Variants in PLEKHG4B observed in about 807,000 individuals in gnomAD.
PLEKHG4B encodes the protein pleckstrin homology domain-containing family G member 4B.
Under a neutral mutation model 121.3 loss-of-function variants are expected in PLEKHG4B, and 111 were observed. The ratio of observed to expected loss-of-function variants is 0.92; its 90% CI spans 0.78 to 1.07. The LOEUF is 1.07. Among genes scored for constraint, PLEKHG4B ranks in the 50% least tolerant of loss-of-function variants. The pLI is 0.00. For synonymous variants in PLEKHG4B, 738 were observed against 725.0 expected (o/e 1.02, Z -0.29); for missense variants, 1,831 against 1,757.8 (o/e 1.04, Z -0.74).
chr5:145,300 G>A (rs751103180), intron 6 of PLEKHG4B, among the ~76,000 whole-genome samples: 4 of 152,266 alleles, frequency 2.6e-5, no homozygotes, highest in Admixed American at 6.5e-5. Context: ...CCCTCTGTCA[G>A]GATGGAGAGC....
At chr5:145,939 A>G (rs1735394195) in intron 6 of PLEKHG4B, among the ~76,000 whole-genome samples, 2 of 152,024 alleles carry the variant, frequency 1.3e-5, no homozygotes, top group Non-Finnish European at 2.9e-5. Flanking sequence ...TCTCAAGTTT[A>G]GGGACACCAG....
At position 164,544 on chromosome 5, in the gene PLEKHG4B, C is replaced by T. The variant is rs1401302490; in HGVS notation, c.3476+996C>T. ...AGTAATGCTGTGACAGGGGGCGGAGCTCACACAGTAATGCTCTGACAGGGG... is the reference window on the plus strand; with the variant it reads ...AGTAATGCTGTGACAGGGGGCGGAGTTCACACAGTAATGCTCTGACAGGGG... On this transcript the variant is annotated intron_variant, in intron 13 of 19. Transcript: ENST00000637938. Among the ~76,000 whole-genome samples, 4 of 122,470 alleles carry T rather than the reference C, an allele frequency of 3.3e-5. 1 individual carries two copies. The highest frequency in any genetic ancestry group is 2.4e-4 in the South Asian group (1 of 4,212). 80.3% of individuals were successfully genotyped at this position (122,470 alleles called of 152,430 possible).
At chr5:148,297 A>G (rs1432625222) in intron 6 of PLEKHG4B, among the ~76,000 whole-genome samples, 2 of 150,666 alleles carry the variant, frequency 1.3e-5, no homozygotes, top group Non-Finnish European at 2.9e-5. Flanking sequence ...AATTATCTCT[A>G]TTCCCAGATG....
chr5:162,879 C>G lies in PLEKHG4B; in HGVS notation c.2807C>G (p.Pro936Arg), dbSNP rs144399749. 6.6e-7 allele frequency: 1 copy of G among 1,520,682 alleles called. No individual in the cohort carries two copies. Among genetic ancestry groups the G allele is most frequent in the South Asian group, 1.3e-5 (1 of 77,054 alleles). The allele number at this position is 1,520,682 out of a possible 1,614,324, so 94.2% of individuals were successfully genotyped here. Residue 936 changes from proline (P) to arginine (R), a missense_variant, in exon 13 of 20, where the codon CCG becomes CGG. Pro to Arg is a moderately radical substitution (Grantham distance 103). Coordinates refer to ENST00000637938, the MANE Select transcript of PLEKHG4B (RefSeq NM_052909.5). Reference sequence around the variant, plus strand: ...CTGAAGCCTCATGCCCTGGGGAAACCGTGGGCATCACAGCAAGACCTGTGG... The same window carrying G: ...CTGAAGCCTCATGCCCTGGGGAAACGGTGGGCATCACAGCAAGACCTGTGG... ...AVLKPHALGK[P>R]WASQQDLWLQ...
At chr5:131,702 A>G (rs908763767) in intron 2 of PLEKHG4B, among the ~76,000 whole-genome samples, 1 of 152,194 alleles carries the variant, frequency 6.6e-6, no homozygotes, top group African/African-American at 2.4e-5. Flanking sequence ...GTCTTCCACA[A>G]TGGTTGAACT....
chr5:92,195 G>C lies in PLEKHG4B; in HGVS notation c.-37G>C, dbSNP rs1392903076. 8.0e-6 allele frequency: 3 copies of C among 376,812 alleles called. No individual in the cohort carries two copies. Among genetic ancestry groups the C allele is most frequent in the Non-Finnish European group, 1.4e-5 (3 of 213,022 alleles). The allele number at this position is 376,812 out of a possible 1,614,324, so 23.3% of individuals were successfully genotyped here. Reference sequence around the variant, plus strand: ...TGCACAGCGGGACCAGGCAGAGTTCGGGGAAAGCGTCGGAGTTCGGGAGAC... The same window carrying C: ...TGCACAGCGGGACCAGGCAGAGTTCCGGGAAAGCGTCGGAGTTCGGGAGAC... On this transcript the variant is annotated 5_prime_UTR_variant, in exon 1 of 20. Transcript: ENST00000637938.
Position 113,652 on chromosome 5 carries a change from G to T in PLEKHG4B, c.243+204G>T, listed in dbSNP as rs1192825852. Among the ~76,000 whole-genome samples the T allele has an allele frequency of 6.6e-6, 1 of 152,230 alleles. No individual in the cohort carries two copies. The highest frequency in any genetic ancestry group is 1.5e-5 in the Non-Finnish European group (1 of 68,048). On this transcript the variant is annotated intron_variant, in intron 2 of 19. Coordinates refer to ENST00000637938, the MANE Select transcript of PLEKHG4B (RefSeq NM_052909.5). The surrounding 1 kb of genome is among the most constrained non-coding windows in gnomAD (Gnocchi z 5.2). ...AGGGTTTCTCAGGCTTCCCAGGAGT[G>T]TGGAGCCCTCTTTGTCCCCCACCCC...
intron 7 of PLEKHG4B, among the ~76,000 whole-genome samples, chr5:154,395 C>T (rs1187085295): frequency 1.3e-5 from 2 of 152,178 alleles, no homozygotes; most frequent in African/African-American, 2.4e-5. Context: ...CACTCCCACA[C>T]GCGGGCAGCG....
At chr5:164,024 T>TG (rs1359246036) in intron 13 of PLEKHG4B, among the ~76,000 whole-genome samples, 1 of 152,232 alleles carries the variant, frequency 6.6e-6, no homozygotes, top group African/African-American at 2.4e-5. Context: ...TTGGTAAGGG[T>TG]GGGCGCACTC....
At chr5:134,172 C>T (rs2126386775) in intron 2 of PLEKHG4B, among the ~76,000 whole-genome samples, 1 of 138,514 alleles carries the variant, frequency 7.2e-6, no homozygotes, top group Middle Eastern at 4.5e-3. Context: ...ATGGCATTTG[C>T]AGCAACCTGG....
chr5:182,585 A>C lies in PLEKHG4B; in HGVS notation c.*262A>C. The stretch of plus-strand genomic sequence containing the variant: ...ACAGCATAGGAAACAGACCTAAAAC[A>C]AGACAAAAAAAGACTAAACATGAAA... On this transcript the variant is annotated 3_prime_UTR_variant, in exon 20 of 20. Coordinates refer to ENST00000637938, the MANE Select transcript of PLEKHG4B (RefSeq NM_052909.5). The C allele has an allele frequency of 2.2e-6, 1 of 453,190 alleles. No individual in the cohort carries two copies. Among genetic ancestry groups the C allele is most frequent in the Non-Finnish European group, 4.0e-6 (1 of 252,934 alleles). The allele number at this position is 453,190 out of a possible 1,614,324, so 28.1% of individuals were successfully genotyped here. A position where few individuals can be genotyped will look rare whatever the true frequency, so the allele number is the denominator to read the frequency against.
At chr5:119,712 A>C (rs150971077) in intron 2 of PLEKHG4B, among the ~76,000 whole-genome samples, 276 of 152,326 alleles carry the variant, frequency 1.8e-3, no homozygotes, top group African/African-American at 6.4e-3. Flanking sequence ...GCCTGGGGCC[A>C]GTCACTGAGG....
chr5:154,344 C>T (rs776242291), intron 7 of PLEKHG4B, among the ~76,000 whole-genome samples: 1 of 152,104 alleles, frequency 6.6e-6, no homozygotes, highest in Non-Finnish European at 1.5e-5. Flanking sequence ...TACAAAGCCA[C>T]CTGCTGTCAA....
At chr5:110,335 A>AAC (rs1734110146) in intron 1 of PLEKHG4B, among the ~76,000 whole-genome samples, 4 of 146,602 alleles carry the variant, frequency 2.7e-5, no homozygotes, top group African/African-American at 5.1e-5. Context: ...CACAGTCTGC[A>AAC]ACACGTGCAC....
rs531953119 is a variant in PLEKHG4B, at chr5:176,780, G to A, written c.4402+2682G>A. Among the ~76,000 whole-genome samples the A allele has an allele frequency of 1.2e-3, 181 of 152,334 alleles. 1 individual carries two copies. Among genetic ancestry groups the A allele is most frequent in the South Asian group, 9.1e-3 (44 of 4,832 alleles). ...CAGAATAACTTACAGTTCCCACAGC[G>A]TTGAGTTCAAATTATTTAGTTTCAC... On this transcript the variant is annotated intron_variant, in intron 18 of 19. Coordinates refer to ENST00000637938, the MANE Select transcript of PLEKHG4B (RefSeq NM_052909.5).
chr5:129,746 G>A (rs1353706195), intron 2 of PLEKHG4B, among the ~76,000 whole-genome samples: 3 of 152,170 alleles, frequency 2.0e-5, no homozygotes, highest in Non-Finnish European at 4.4e-5. Flanking sequence ...CCCCCATCAA[G>A]ATAGTGGTGG....
chr5:98,795 G>C (rs1339600780), intron 1 of PLEKHG4B, among the ~76,000 whole-genome samples: 1 of 134,042 alleles, frequency 7.5e-6, no homozygotes, highest in African/African-American at 2.9e-5. Context: ...TTTGTAATAA[G>C]TTTTGAAATC....
Position 163,378 on chromosome 5 carries a change from C to G in PLEKHG4B, c.3306C>G (p.Asp1102Glu). The G allele has an allele frequency of 5.0e-6, 8 of 1,613,234 alleles. No homozygotes were observed. The highest frequency in any genetic ancestry group is 6.8e-6 in the Non-Finnish European group (8 of 1,180,036). Residue 1102 changes from aspartate to glutamate, a missense_variant, in exon 13 of 20, where the codon GAC (aspartate) becomes GAG (glutamate). Asp to Glu is a conservative substitution (Grantham distance 45). Transcript: ENST00000637938. ...GCCCCAGGGACTCCTGCCAGCCAGA[C>G]CATACTAGTGTCTTCAGCAAGGGCC... ...DSGPRDSCQP[D>E]HTSVFSKGLE... is the part of the protein sequence containing the mutation.
chr5:154,247 G>A (rs1579296178), intron 7 of PLEKHG4B, among the ~76,000 whole-genome samples: 1 of 151,110 alleles, frequency 6.6e-6, no homozygotes, highest in African/African-American at 2.4e-5. Context: ...CTCATTATCC[G>A]CCTGCCTCGG....
Sources: allele counts gnomAD v4.1 joint callset (sites outside exome capture counted in the v4.1 genomes callset), GRCh38; gene constraint gnomAD v4.1.1; non-coding constraint Gnocchi (gnomAD v3.1); transcripts MANE v1.5; gene names NCBI Gene and HGNC (gene_info 2026-07-23, HGNC 2026-07-21).